BCLAF3: variants seen among roughly 807,000 people sequenced by gnomAD.
BCLAF3 encodes the protein BCLAF1 and THRAP3 family member 3.
BCLAF3 carries 24 observed loss-of-function variants against 51.2 expected under a neutral mutation model. The ratio of observed to expected loss-of-function variants is 0.47; its 90% confidence interval spans 0.34 to 0.66. The LOEUF is 0.66. Among genes scored for constraint, BCLAF3 ranks in the 30% least tolerant of loss-of-function variants. BCLAF3 has a pLI of 0.01. For missense variants in BCLAF3, 465 were observed against 525.1 expected (o/e 0.89, Z 1.12); for synonymous variants, 152 against 176.6 (o/e 0.86, Z 1.10).
At chrX:19,917,433 T>C in intron 11 of BCLAF3, 99 bp from the exon 12 acceptor site, 2 of 753,538 alleles carry the variant, frequency 2.7e-6, no homozygotes, top group South Asian at 2.4e-5. Context: ...TTTTCGTTTA[T>C]ACAGTGTTAC....
In BCLAF3 at chrX:19,965,089, G is replaced by A; in HGVS notation, c.1229C>T (p.Ser410Leu). Reference protein sequence around the residue: ...KPSPINLRKKSLTVKVDVKKT... With the variant: ...KPSPINLRKKLLTVKVDVKKT... ...CTTCACATCTACTTTAACTGTAAGT[G>A]ATTTCTTCCTAAGATTGATAGGCGA... The change falls in exon 4 of 12, where the codon TCA becomes TTA. Residue 410 changes from serine (S) to leucine (L), a missense_variant. Ser to Leu is a moderately radical substitution (Grantham distance 145). Transcript: ENST00000379682. The A allele has an allele frequency of 8.4e-7, 1 of 1,188,042 alleles. No homozygotes were observed. The highest frequency in any genetic ancestry group is 1.1e-6 in the Non-Finnish European group (1 of 887,822).
In BCLAF3 at chrX:19,979,120, T is replaced by C. The variant is rs2072527518; in HGVS notation, c.-34-8822A>G. ...ACTAAAAATACAAAAATTAGCCAGG[T>C]GTGGTGGCATACACCTATAATCCCA... On this transcript the variant is annotated intron_variant, in intron 1 of 11. Transcript: ENST00000379682. Among the ~76,000 whole-genome samples the C allele has an allele frequency of 3.6e-5, 4 of 110,241 alleles. No homozygotes were observed. The East Asian group carries it at 1.2e-3, about 32-fold the overall frequency.
At chrX:19,971,622 T>A (rs2072261060) in intron 1 of BCLAF3, among the ~76,000 whole-genome samples, 1 of 112,072 alleles carries the variant, frequency 8.9e-6, no homozygotes, top group African/African-American at 3.2e-5. Context: ...GTAGGTATAA[T>A]CTCCTATACT....
At chrX:19,982,581 ACACG>A (rs781304064) in intron 1 of BCLAF3, among the ~76,000 whole-genome samples, 3 of 106,682 alleles carry the variant, frequency 2.8e-5, no homozygotes, top group East Asian at 3.0e-4. Context: ...ACACACACAC[ACACG>A]CACACACACA....
chrX:19,938,358 C>T (rs147994666), intron 8 of BCLAF3, among the ~76,000 whole-genome samples: 1,461 of 111,465 alleles, frequency 0.013, 8 homozygotes, highest in Middle Eastern at 0.018. Context: ...TGCTACCTCG[C>T]TCCAATCTCC....
At chrX:19,937,595 A>G in intron 8 of BCLAF3, 63 bp from the exon 9 acceptor site, 2 of 611,329 alleles carry the variant, frequency 3.3e-6, no homozygotes, top group East Asian at 3.4e-5. Context: ...CAAGAAATAA[A>G]CAAGAATAAT....
chrX:19,933,713 T>A (rs2070649333), intron 10 of BCLAF3, among the ~76,000 whole-genome samples: 1 of 112,391 alleles, frequency 8.9e-6, no homozygotes, highest in African/African-American at 3.2e-5. Context: ...GTTATTACTA[T>A]GTCGCTTTGA....
chrX:19,954,561 T>TTGGG (rs1270737258), intron 5 of BCLAF3, among the ~76,000 whole-genome samples: 2 of 111,932 alleles, frequency 1.8e-5, no homozygotes, highest in African/African-American at 6.5e-5. Context: ...CACATTTCCT[T>TTGGG]TGGGTGACAG....
intron 11 of BCLAF3, among the ~76,000 whole-genome samples, chrX:19,921,478 C>T (rs2070155407): frequency 8.9e-6 from 1 of 112,193 alleles, no homozygotes; most frequent in South Asian, 3.6e-4. Flanking sequence ...CCAAGGCAGG[C>T]AGATCACTTG....
rs1201761684 is a variant in BCLAF3, at chrX:19,915,508, A to C, written c.*1797T>G. The C allele has an allele frequency of 2.7e-5, 3 of 112,369 alleles. No homozygotes were observed. Among genetic ancestry groups the C allele is most frequent in the African/African-American group, 9.7e-5 (3 of 30,949 alleles). 9.3% of individuals were successfully genotyped at this position (112,369 alleles called of 1,213,427 possible). A position where few individuals can be genotyped will look rare whatever the true frequency, so the allele number is the denominator to read the frequency against. On this transcript the variant is annotated 3_prime_UTR_variant, in exon 12 of 12. Coordinates refer to ENST00000379682, the MANE Select transcript of BCLAF3 (RefSeq NM_001367774.2). ...TGCCAAAAGAATATCCAAATAGGGA[A>C]TCAGTTGTGGAATGAATAATAGTAA...
chrX:19,928,101 T>C (rs2070417557), intron 11 of BCLAF3, among the ~76,000 whole-genome samples: 1 of 105,717 alleles, frequency 9.5e-6, no homozygotes. Context: ...CAGGCTGGTC[T>C]CGAACTCCTG....
At chrX:19,990,789 A>G (rs946508982) in intron 1 of BCLAF3, among the ~76,000 whole-genome samples, 119 bp downstream of exon 1, 3 of 111,255 alleles carry the variant, frequency 2.7e-5, no homozygotes, top group African/African-American at 9.7e-5. Flanking sequence ...CCCGAGTCGG[A>G]CCGCCGCATC....
rs2072006024 is a variant in BCLAF3, at chrX:19,965,182, C to G, written c.1136G>C (p.Cys379Ser). 3.3e-6 allele frequency: 4 copies of G among 1,205,524 alleles called. No homozygotes were observed. The highest frequency in any genetic ancestry group is 3.4e-6 in the Non-Finnish European group (3 of 894,100). The change falls in exon 4 of 12, where the codon TGT becomes TCT. Residue 379 changes from cysteine to serine, a missense_variant. Cys to Ser is a moderately radical substitution (Grantham distance 112, BLOSUM62 -1). Coordinates refer to ENST00000379682, the MANE Select transcript of BCLAF3 (RefSeq NM_001367774.2). ...WKEKIKKEGD[C>S]RKESNSSSNQ... ...ACTGGAAGAATTGCTCTCTTTTCTA[C>G]AATCCCCTTCTTTCTTTATTTTTTC...
chrX:19,990,273 C>T (rs2072903260), intron 1 of BCLAF3, among the ~76,000 whole-genome samples: 1 of 112,554 alleles, frequency 8.9e-6, no homozygotes, highest in Non-Finnish European at 1.9e-5. Flanking sequence ...ACAGTCCTGA[C>T]AGCGACTGGC....
rs768948236 is a variant in BCLAF3, at chrX:19,923,267, T to A, written c.2107-5933A>T. 12 of 116,426 alleles carry A rather than the reference T, an allele frequency of 1.0e-4. No individual in the cohort carries two copies. The South Asian group carries it at 3.2e-3, about 31-fold the overall frequency. 9.6% of individuals were successfully genotyped at this position (116,426 alleles called of 1,213,427 possible). On this transcript the variant is annotated intron_variant, in intron 11 of 11. Coordinates refer to ENST00000379682, the MANE Select transcript of BCLAF3 (RefSeq NM_001367774.2). ...CACAGAGTGGAATAATATGCAGCCATTAAAATGGATGAAACAAATGTAGTA... is the reference window on the plus strand; with the variant it reads ...CACAGAGTGGAATAATATGCAGCCAATAAAATGGATGAAACAAATGTAGTA...
chrX:19,918,513 T>C (rs2070002787), intron 11 of BCLAF3, among the ~76,000 whole-genome samples: 1 of 105,394 alleles, frequency 9.5e-6, no homozygotes, highest in South Asian at 4.3e-4. Flanking sequence ...TCCAATGATT[T>C]AAAAGCCCCC....
chrX:19,935,886 G>C lies in BCLAF3; in HGVS notation c.1873C>G (p.Gln625Glu). ...IEKPYMNYTT[Q>E]RKDIITHKPF... ...TTGTGAGTAATTATGTCTTTTCTCT[G>C]CGTAGTATAATTCTGCACGAAAAAA... Residue 625 changes from glutamine (Q) to glutamate (E), a missense_variant, in exon 10 of 12, where the codon CAG becomes GAG. Coordinates refer to ENST00000379682, the MANE Select transcript of BCLAF3 (RefSeq NM_001367774.2). 2 of 1,206,086 alleles carry C rather than the reference G, an allele frequency of 1.7e-6. No individual in the cohort carries two copies. Among genetic ancestry groups the C allele is most frequent in the South Asian group, 3.5e-5 (2 of 56,743 alleles).
At chrX:19,932,274 ATTCT>A (rs1335700165) in intron 10 of BCLAF3, among the ~76,000 whole-genome samples, 3 of 111,909 alleles carry the variant, frequency 2.7e-5, no homozygotes, top group Non-Finnish European at 5.6e-5. Flanking sequence ...TTTAAATCAA[ATTCT>A]TTCTTTGCTT....
In BCLAF3 at chrX:19,916,797, C is replaced by T. The variant is rs1456928115; in HGVS notation, c.*508G>A. 8.7e-6 allele frequency: 1 copy of T among 114,481 alleles called. No homozygotes were observed. The highest frequency in any genetic ancestry group is 1.8e-5 in the Non-Finnish European group (1 of 55,103). 9.4% of individuals were successfully genotyped at this position (114,481 alleles called of 1,213,427 possible). On this transcript the variant is annotated 3_prime_UTR_variant, in exon 12 of 12. Coordinates refer to ENST00000379682, the MANE Select transcript of BCLAF3 (RefSeq NM_001367774.2). Reference sequence around the variant, plus strand: ...ATATGAAATGTATGAATTATATAGGCCTTGATCTTCAGAAACTTAAGAAAA... The same window carrying T: ...ATATGAAATGTATGAATTATATAGGTCTTGATCTTCAGAAACTTAAGAAAA...
Sources: allele counts gnomAD v4.1 joint callset (sites outside exome capture counted in the v4.1 genomes callset), GRCh38; gene constraint gnomAD v4.1.1; transcripts MANE v1.5; gene names NCBI Gene and HGNC (gene_info 2026-07-23, HGNC 2026-07-21).